USH2A: variants seen among roughly 807,000 people sequenced by gnomAD.
The protein encoded by USH2A is Usher syndrome 2A (autosomal recessive, mild).
In USH2A, 443 loss-of-function variants were observed where a neutral mutation model predicts 538.9. The observed-to-expected ratio is 0.82, with a 90% CI of 0.76 to 0.89. The LOEUF is 0.89. Among genes scored for constraint, USH2A ranks in the 40% least tolerant of loss-of-function variants. The probability of loss-of-function intolerance (pLI) is 0.00; values close to 1 mark genes in which losing one functional copy is unlikely to be tolerated. For missense variants in USH2A, 6,633 were observed against 6,324.8 expected (o/e 1.05, Z -1.65); for synonymous variants, 2,413 against 2,273.5 (o/e 1.06, Z -1.75).
rs35698520 is a variant in USH2A, at chr1:216,156,295, CTTTT to C, written c.4627+18953_4627+18956del. On this transcript the variant is annotated intron_variant, in intron 21 of 71. Transcript: ENST00000307340. Reference sequence around the variant, plus strand: ...TTCTTTCTTTCTTTCTTTTTTTTTTCTTTTTTTTTTTTTTTTTGGCCTAGCTAAC... The same window carrying C: ...TTCTTTCTTTCTTTCTTTTTTTTTTCTTTTTTTTTTTTTGGCCTAGCTAAC... Among the ~76,000 whole-genome samples, 224 of 105,518 alleles carry C rather than the reference CTTTT, an allele frequency of 2.1e-3. 1 individual carries two copies. The highest frequency in any genetic ancestry group is 3.0e-3 in the African/African-American group (84 of 27,856). The allele number at this position is 105,518 out of a possible 152,430, so 69.2% of individuals were successfully genotyped here. A position where few individuals can be genotyped will look rare whatever the true frequency, so the allele number is the denominator to read the frequency against.
At chr1:216,377,353 AC>A (rs1030395992) in intron 3 of USH2A, among the ~76,000 whole-genome samples, 1 of 152,178 alleles carries the variant, frequency 6.6e-6, no homozygotes, top group Non-Finnish European at 1.5e-5. Flanking sequence ...ATTTGTTTGC[AC>A]CAAAAAAGAA....
chr1:215,891,474 G>A lies in USH2A; in HGVS notation c.7595-2420C>T, dbSNP rs12408624. ...TCTAATTCTATATACAAATCAACTG[G>A]CCTGCAACTGCATGGTTGAAAGGGC... On this transcript the variant is annotated intron_variant, in intron 40 of 71. Coordinates refer to ENST00000307340, the MANE Select transcript of USH2A (RefSeq NM_206933.4). 0.096 allele frequency among the ~76,000 whole-genome samples: 14,594 copies of A among 152,104 alleles called. 830 individuals are homozygous for A. Among genetic ancestry groups the A allele is most frequent in the African/African-American group, 0.15 (6,045 of 41,500 alleles).
intron 50 of USH2A, among the ~76,000 whole-genome samples, chr1:215,796,974 G>T (rs1662158782): frequency 1.3e-5 from 2 of 152,182 alleles, no homozygotes. Context: ...ATGTGAGAAT[G>T]ATGACAAATC....
At chr1:216,100,728 C>G (rs1397787354) in intron 21 of USH2A, among the ~76,000 whole-genome samples, 3 of 152,008 alleles carry the variant, frequency 2.0e-5, no homozygotes, top group Non-Finnish European at 4.4e-5. Flanking sequence ...AACTACTTGT[C>G]TTTAATTCAA....
At chr1:216,004,214 A>G (rs1378162279) in intron 32 of USH2A, among the ~76,000 whole-genome samples, 2 of 152,146 alleles carry the variant, frequency 1.3e-5, no homozygotes, top group Admixed American at 6.5e-5. Context: ...GAATTACAGG[A>G]AGAGTTCATG....
chr1:215,811,063 T>C (rs550390432), intron 49 of USH2A, among the ~76,000 whole-genome samples: 4 of 152,312 alleles, frequency 2.6e-5, no homozygotes, highest in Admixed American at 2.0e-4. Flanking sequence ...ATCCTGACAC[T>C]GGAAAATTAT....
rs114498932 is a variant in USH2A, at chr1:216,043,486, A to T, written c.6325+2945T>A. Among the ~76,000 whole-genome samples, 567 of 152,226 alleles carry T rather than the reference A, an allele frequency of 3.7e-3. 3 individuals are homozygous for T. The highest frequency in any genetic ancestry group is 0.013 in the African/African-American group (548 of 41,538). ...ATATTCTTTAAAATATTACATAAAG[A>T]TAGAAAACCATTGAAGAATCAATCT... is the stretch of plus-strand genomic sequence containing the variant. On this transcript the variant is annotated intron_variant, in intron 32 of 71. Coordinates refer to ENST00000307340, the MANE Select transcript of USH2A (RefSeq NM_206933.4).
chr1:216,302,536 T>C (rs2037235124), intron 9 of USH2A, among the ~76,000 whole-genome samples: 2 of 152,120 alleles, frequency 1.3e-5, no homozygotes, highest in Admixed American at 6.5e-5. Flanking sequence ...AATTAAAGTG[T>C]TCACAGATAC....
intron 70 of USH2A, 60 bp downstream of exon 70, chr1:215,634,399 A>C: frequency 6.2e-7 from 1 of 1,612,844 alleles, no homozygotes; most frequent in Non-Finnish European, 8.5e-7. Context: ...TTTTCTCAGA[A>C]GGAAAACAAG....
chr1:216,356,999 C>T (rs929574412), intron 4 of USH2A, among the ~76,000 whole-genome samples: 2 of 151,996 alleles, frequency 1.3e-5, no homozygotes, highest in Admixed American at 6.6e-5. Flanking sequence ...GTTTAATAGT[C>T]AGATGTTTCA....
rs578164684 is a variant in USH2A, at chr1:216,323,301, T to A, written c.1550+173A>T. 6.0e-4 allele frequency among the ~76,000 whole-genome samples: 82 copies of A among 137,124 alleles called. No individual in the cohort carries two copies. The Middle Eastern group carries it at 0.012, about 20-fold the overall frequency. The allele number at this position is 137,124 out of a possible 152,430, so 90.0% of individuals were successfully genotyped here. A position where few individuals can be genotyped will look rare whatever the true frequency, so the allele number is the denominator to read the frequency against. On this transcript the variant is annotated intron_variant, in intron 8 of 71. Coordinates refer to ENST00000307340, the MANE Select transcript of USH2A (RefSeq NM_206933.4). ...TTATATATATATATATATATATATA[T>A]AACAATGTTATATAGAGAAAAGACT... is the stretch of plus-strand genomic sequence containing the variant.
chr1:216,063,960 G>A lies in USH2A; in HGVS notation c.6049+6141C>T, dbSNP rs924185720. Among the ~76,000 whole-genome samples the A allele has an allele frequency of 4.6e-5, 7 of 152,220 alleles. No individual in the cohort carries two copies. In the South Asian group the frequency reaches 6.2e-4, roughly 14 times the overall value. Reference sequence around the variant, plus strand: ...GCATTTACAAAAGATTAATCAAAACGAAATAATGATTTACTCAAGTTTTGG... The same window carrying A: ...GCATTTACAAAAGATTAATCAAAACAAAATAATGATTTACTCAAGTTTTGG... On this transcript the variant is annotated intron_variant, in intron 30 of 71. Coordinates refer to ENST00000307340, the MANE Select transcript of USH2A (RefSeq NM_206933.4).
intron 23 of USH2A, among the ~76,000 whole-genome samples, chr1:216,087,211 CAA>C (rs1175503575): frequency 3.9e-5 from 6 of 152,114 alleles, no homozygotes; most frequent in African/African-American, 1.4e-4. Context: ...AGAGAAGAGG[CAA>C]AGTTATTTGT....
In USH2A at chr1:216,272,629, G is replaced by T. The variant is rs117873724; in HGVS notation, c.1971+16651C>A. On this transcript the variant is annotated intron_variant, in intron 11 of 71. Transcript: ENST00000307340. ...CTCACTCATTTTGCTATTCATCCCT[G>T]CTCATTTTTAGTTCCTTTCTTCCCA... Among the ~76,000 whole-genome samples, 6 of 152,046 alleles carry T rather than the reference G, an allele frequency of 3.9e-5. No homozygotes were observed. The East Asian group carries it at 1.2e-3, about 29-fold the overall frequency.
At chr1:216,077,968 G>C in intron 27 of USH2A, 121 bp downstream of exon 27, 1 of 1,220,730 alleles carries the variant, frequency 8.2e-7, no homozygotes, top group Non-Finnish European at 1.2e-6. Flanking sequence ...TCCAGAAAAA[G>C]AGATGCTGTT....
chr1:215,782,758 C>G lies in USH2A; in HGVS notation c.10565G>C (p.Arg3522Thr). The change falls in exon 53 of 72, where the codon AGA becomes ACA. Residue 3522 changes from arginine (R) to threonine (T), a missense_variant. Coordinates refer to ENST00000307340, the MANE Select transcript of USH2A (RefSeq NM_206933.4). The stretch of plus-strand genomic sequence containing the variant: ...AATACCATTTGATTGTATAGGTTTT[C>G]TCCAGTTTAAGACAATTGTATCTTC... ...NLEDTIVLNW[R>T]KPIQSNGPII... The G allele has an allele frequency of 6.2e-7, 1 of 1,613,756 alleles. No individual in the cohort carries two copies.
intron 9 of USH2A, among the ~76,000 whole-genome samples, chr1:216,303,544 A>T (rs770242084): frequency 6.6e-6 from 1 of 151,950 alleles, no homozygotes; most frequent in African/African-American, 2.4e-5. Context: ...CATATTAGAA[A>T]TTTTTTGTAG....
intron 40 of USH2A, among the ~76,000 whole-genome samples, chr1:215,897,817 AAGAG>A (rs1377753601): frequency 2.0e-5 from 3 of 152,004 alleles, no homozygotes; most frequent in Admixed American, 6.6e-5. Flanking sequence ...AGAAGAAAGA[AAGAG>A]AAAGAAAATT....
chr1:216,217,749 TC>T lies in USH2A; in HGVS notation c.2994-200del, dbSNP rs112536267. Among the ~76,000 whole-genome samples, 1,121 of 152,168 alleles carry T rather than the reference TC, an allele frequency of 7.4e-3. 16 individuals carry two copies. The highest frequency in any genetic ancestry group is 0.026 in the African/African-American group (1,090 of 41,532). The stretch of plus-strand genomic sequence containing the variant: ...GAAAAGATCTTTATAAAACTACTGT[TC>T]CTGGTAAAACCCGTATAAAGCTTTC... On this transcript the variant is annotated intron_variant, in intron 14 of 71. Coordinates refer to ENST00000307340, the MANE Select transcript of USH2A (RefSeq NM_206933.4).
Sources: allele counts gnomAD v4.1 joint callset (sites outside exome capture counted in the v4.1 genomes callset), GRCh38; gene constraint gnomAD v4.1.1; transcripts MANE v1.5; gene names NCBI Gene and HGNC (gene_info 2026-07-23, HGNC 2026-07-21).